CHST6: variants seen among roughly 807,000 people sequenced by gnomAD.
CHST6 encodes the protein N-acetylglucosamine 6-O-sulfotransferase 5.
For missense variants in CHST6, 698 were observed against 586.2 expected (o/e 1.19, Z -1.97); for synonymous variants, 309 against 276.4 (o/e 1.12, Z -1.17).
At chr16:75,488,191 C>T (rs1017957839) in intron 1 of CHST6, among the ~76,000 whole-genome samples, 3 of 152,048 alleles carry the variant, frequency 2.0e-5, no homozygotes, top group Admixed American at 6.6e-5. Flanking sequence ...CACCTGGGCA[C>T]GGTGGCTCAT....
rs975143023 is a variant in CHST6 at position 75,479,760 on chromosome 16, G to C, written c.69C>G (p.Leu23=). 1 of 1,600,670 alleles carries C rather than the reference G, an allele frequency of 6.2e-7. No individual in the cohort carries two copies. Among genetic ancestry groups the C allele is most frequent in the Non-Finnish European group, 8.5e-7 (1 of 1,174,290 alleles). The change falls in exon 3 of 3, where the codon CTC becomes CTG. Residue 23 remains leucine, a synonymous_variant. Transcript: ENST00000332272. Reference sequence around the variant, plus strand: ...AGGGCCCTGGCCGGGAAACCAGAAAGAGGAGGAGGAAGGTCTGCGCCAGGA... The same window carrying C: ...AGGGCCCTGGCCGGGAAACCAGAAACAGGAGGAGGAAGGTCTGCGCCAGGA... The part of the protein sequence containing the change: ...ALLLAQTFLL[L]FLVSRPGPSS...
At chr16:75,483,188 A>G (rs1291100363) in intron 1 of CHST6, among the ~76,000 whole-genome samples, 2 of 152,198 alleles carry the variant, frequency 1.3e-5, no homozygotes, top group Admixed American at 1.3e-4. Flanking sequence ...CCTGTTCCTA[A>G]GCTTCTGGCA....
At position 75,479,139 on chromosome 16, in the gene CHST6, G is replaced by A. The variant is rs2080104472; in HGVS notation, c.690C>T (p.Gly230=). ...GGCCGGGGTCGGCCTCCACCCACGT[G>A]CCGTTGGTGCCCAGCACGATGCCGT... The part of the protein sequence containing the change: ...RDNGIVLGTN[G]TWVEADPGLR... The change falls in exon 3 of 3, where the codon GGC becomes GGT. Residue 230 remains glycine (G), a synonymous_variant. Coordinates refer to ENST00000332272, the MANE Select transcript of CHST6 (RefSeq NM_021615.5). The A allele has an allele frequency of 1.2e-6, 2 of 1,606,540 alleles. No homozygotes were observed. The highest frequency in any genetic ancestry group is 1.3e-5 in the African/African-American group (1 of 75,000).
At chr16:75,481,162 G>A (rs1016216072) in intron 2 of CHST6, among the ~76,000 whole-genome samples, 1 of 152,000 alleles carries the variant, frequency 6.6e-6, no homozygotes, top group African/African-American at 2.4e-5. Context: ...TGTGGTCCCT[G>A]CTATTCGGGA....
chr16:75,484,006 G>A (rs1305196471), intron 1 of CHST6, among the ~76,000 whole-genome samples: 8 of 149,622 alleles, frequency 5.3e-5, no homozygotes, highest in Admixed American at 2.7e-4. Flanking sequence ...CCTGGAAAAC[G>A]GAGAAAGACC....
rs971648724 is a variant in CHST6 at position 75,478,570 on chromosome 16, G to C, written c.*71C>G. ...GGTCAATATAGGGACCTGCTTCTCC[G>C]TGCGCCCCAGCCCCCTCTGCACCAT... On this transcript the variant is annotated 3_prime_UTR_variant, in exon 3 of 3. Transcript: ENST00000332272. 3 of 1,504,012 alleles carry C rather than the reference G, an allele frequency of 2.0e-6. No homozygotes were observed. Among genetic ancestry groups the C allele is most frequent in the Non-Finnish European group, 2.8e-6 (3 of 1,081,058 alleles). 93.2% of individuals were successfully genotyped at this position (1,504,012 alleles called of 1,614,324 possible).
In CHST6 at chr16:75,479,861, C is replaced by G; in HGVS notation, c.-16-17G>C. ...GCTGGGGGCCTTAGGGAGGAGAGCGCAGCGGTTAGGGGCTGCAGCCTGCAC... is the reference window on the plus strand; with the variant it reads ...GCTGGGGGCCTTAGGGAGGAGAGCGGAGCGGTTAGGGGCTGCAGCCTGCAC... On this transcript the variant is annotated splice_polypyrimidine_tract_variant and intron_variant, in intron 2 of 2. Transcript: ENST00000332272. 6.5e-7 allele frequency: 1 copy of G among 1,538,192 alleles called. No homozygotes were observed. Among genetic ancestry groups the G allele is most frequent in the Non-Finnish European group, 8.7e-7 (1 of 1,145,738 alleles).
In CHST6 at chr16:75,479,632, A is replaced by T; in HGVS notation, c.197T>A (p.Val66Asp). 1 of 1,612,732 alleles carries T rather than the reference A, an allele frequency of 6.2e-7. No homozygotes were observed. The highest frequency in any genetic ancestry group is 8.5e-7 in the Non-Finnish European group (1 of 1,179,778). ...CCACGCGGGCTCCATTAGGTAGAAGACGTCGGGGTGCTGGTTGAAGAGTTG... is the reference window on the plus strand; with the variant it reads ...CCACGCGGGCTCCATTAGGTAGAAGTCGTCGGGGTGCTGGTTGAAGAGTTG... The part of the protein sequence containing the change: ...VGQLFNQHPD[V>D]FYLMEPAWHV... The change falls in exon 3 of 3, where the codon GTC (valine) becomes GAC (aspartate). Residue 66 changes from valine to aspartate, a missense_variant. Transcript: ENST00000332272.
At chr16:75,482,661 A>C (rs560984817) in intron 1 of CHST6, among the ~76,000 whole-genome samples, 13 of 152,246 alleles carry the variant, frequency 8.5e-5, no homozygotes, top group Admixed American at 8.5e-4. Flanking sequence ...ATCTGCAATG[A>C]TCTCAAGGCT....
Position 75,479,785 on chromosome 16 carries a change from A to G in CHST6, c.44T>C (p.Leu15Pro). 9.5e-6 allele frequency: 15 copies of G among 1,587,076 alleles called. No homozygotes were observed. Among genetic ancestry groups the G allele is most frequent in the African/African-American group, 2.7e-5 (2 of 74,816 alleles). The stretch of plus-strand genomic sequence containing the variant: ...GAGGAGGAGGAAGGTCTGCGCCAGG[A>G]GGAGCGCGGTCACTGCTGTGCTGGA... ...RVSSTAVTAL[L>P]LAQTFLLLFL... The change falls in exon 3 of 3, where the codon CTC becomes CCC. Residue 15 changes from leucine to proline, a missense_variant. Leu to Pro is a moderately conservative substitution (Grantham distance 98). Coordinates refer to ENST00000332272, the MANE Select transcript of CHST6 (RefSeq NM_021615.5).
intron 2 of CHST6, among the ~76,000 whole-genome samples, chr16:75,480,389 G>A (rs1010501587): frequency 6.6e-5 from 10 of 151,914 alleles, no homozygotes; most frequent in African/African-American, 2.2e-4. Flanking sequence ...ATATTGGATC[G>A]CCCCGTGACT....
rs777906197 is a variant in CHST6 at position 75,479,594 on chromosome 16, T to G, written c.235A>C (p.Thr79Pro). The G allele has an allele frequency of 2.5e-6, 4 of 1,612,802 alleles. No individual in the cohort carries two copies. The South Asian group carries it at 4.4e-5, about 18-fold the overall frequency. ...LMEPAWHVWT[T>P]LSQGSAATLH... ...GTTGCGGCGCTGCCCTGCGACAGGG[T>G]GGTCCACACGTGCCACGCGGGCTCC... is the stretch of plus-strand genomic sequence containing the variant. The change falls in exon 3 of 3, where the codon ACC becomes CCC. Residue 79 changes from threonine to proline, a missense_variant. Physicochemically the swap from Thr to Pro is conservative, Grantham distance 38. Transcript: ENST00000332272.
At chr16:75,490,637 C>T (rs991874993) in intron 1 of CHST6, 4 of 151,820 alleles carry the variant, frequency 2.6e-5, no homozygotes, top group African/African-American at 9.7e-5. Flanking sequence ...ATGACAGAGA[C>T]GTGGGGATCC....
At chr16:75,491,190 A>AAAAAATATATATAT (rs1206595857) in intron 1 of CHST6, among the ~76,000 whole-genome samples, 29 of 50,052 alleles carry the variant, frequency 5.8e-4, no homozygotes, top group Non-Finnish European at 6.6e-4. Flanking sequence ...AAAAAAAAAA[A>AAAAAATATATATAT]ATATATATAT....
In CHST6 at chr16:75,478,667, A is replaced by G; in HGVS notation, c.1162T>C (p.Ser388Pro). 6.2e-7 allele frequency: 1 copy of G among 1,613,682 alleles called. No individual in the cohort carries two copies. Among genetic ancestry groups the G allele is most frequent in the Non-Finnish European group, 8.5e-7 (1 of 1,179,994 alleles). ...RGLNGFTWAS[S>P]TASHPRN Reference sequence around the variant, plus strand: ...TAATTTCGGGGGTGCGAGGCGGTGGATGATGCCCAAGTGAAGCCGTTCAGG... The same window carrying G: ...TAATTTCGGGGGTGCGAGGCGGTGGGTGATGCCCAAGTGAAGCCGTTCAGG... Residue 388 changes from serine (S) to proline (P), a missense_variant, in exon 3 of 3, where the codon TCC becomes CCC. By Grantham distance (74) the Ser-to-Pro change is moderately conservative. Coordinates refer to ENST00000332272, the MANE Select transcript of CHST6 (RefSeq NM_021615.5).
rs1276511027 is a variant in CHST6 at position 75,472,192 on chromosome 16, G to C, written c.*6449C>G. 6.6e-6 allele frequency: 1 copy of C among 152,196 alleles called. No homozygotes were observed. The highest frequency in any genetic ancestry group is 1.9e-4 in the East Asian group (1 of 5,198). The allele number at this position is 152,196 out of a possible 1,614,324, so 9.4% of individuals were successfully genotyped here. A position where few individuals can be genotyped will look rare whatever the true frequency, so the allele number is the denominator to read the frequency against. Reference sequence around the variant, plus strand: ...CTTTTTGAAATTTGATTGTGATGAGGTGGTGATTTGATTTCACAGGTATAT... The same window carrying C: ...CTTTTTGAAATTTGATTGTGATGAGCTGGTGATTTGATTTCACAGGTATAT... On this transcript the variant is annotated 3_prime_UTR_variant, in exon 3 of 3. Transcript: ENST00000332272.
intron 1 of CHST6, among the ~76,000 whole-genome samples, chr16:75,486,693 G>C (rs2080202256): frequency 6.6e-6 from 1 of 152,248 alleles, no homozygotes; most frequent in Admixed American, 6.5e-5. Flanking sequence ...CTAAGCATTT[G>C]GATCCAGTTG....
intron 1 of CHST6, among the ~76,000 whole-genome samples, chr16:75,489,090 A>G (rs2080231375): frequency 6.6e-6 from 1 of 151,868 alleles, no homozygotes; most frequent in African/African-American, 2.4e-5. Flanking sequence ...ATAGATGAGG[A>G]AAGTGAGGTG....
In CHST6 at chr16:75,479,549, C is replaced by A; in HGVS notation, c.280G>T (p.Asp94Tyr). 6.2e-7 allele frequency: 1 copy of A among 1,612,984 alleles called. No individual in the cohort carries two copies. Among genetic ancestry groups the A allele is most frequent in the Non-Finnish European group, 8.5e-7 (1 of 1,179,862 alleles). Residue 94 changes from aspartate (D) to tyrosine (Y), a missense_variant, in exon 3 of 3, where the codon GAC becomes TAC. Transcript: ENST00000332272. ...CACAGGAAGACGGAGCGCACCAGGT[C>A]GCGCACAGCCATGTGCAGCGTTGCG... ...SAATLHMAVR[D>Y]LVRSVFLCDM...
Sources: allele counts gnomAD v4.1 joint callset (sites outside exome capture counted in the v4.1 genomes callset), GRCh38; gene constraint gnomAD v4.1.1; transcripts MANE v1.5; gene names NCBI Gene and HGNC (gene_info 2026-07-23, HGNC 2026-07-21).